Variants in CADPS2 observed in about 807,000 individuals in gnomAD.
CADPS2 encodes calcium dependent secretion activator 2, also known as calcium-dependent secretion activator 2.
A neutral mutation model predicts 172.5 loss-of-function variants in CADPS2; 93 were observed. The ratio of observed to expected loss-of-function variants is 0.54; its 90% CI spans 0.46 to 0.64. The LOEUF (loss-of-function observed/expected upper bound fraction) is 0.64. Ranked by LOEUF, CADPS2 falls within the 30% of genes least tolerant of loss-of-function variation. CADPS2 has a pLI of 0.00. For missense variants in CADPS2, 1,420 were observed against 1,565.9 expected, an observed-to-expected ratio of 0.91 and a Z score of 1.57; for synonymous variants, 546 against 555.2, an observed-to-expected ratio of 0.98 and a Z score of 0.23.
intron 1 of CADPS2, among the ~76,000 whole-genome samples, chr7:122,782,274 A>G (rs1010203077): frequency 1.1e-4 from 17 of 152,182 alleles, no homozygotes; most frequent in Admixed American, 5.9e-4. Flanking sequence ...TCCTCTTGCC[A>G]TGTCTTTGTG....
At chr7:122,868,173 T>C (rs377300078) in intron 1 of CADPS2, among the ~76,000 whole-genome samples, 5 of 152,084 alleles carry the variant, frequency 3.3e-5, no homozygotes, top group African/African-American at 9.7e-5. Flanking sequence ...CTTGAGTGAC[T>C]GGCTCCTAAA....
chr7:122,491,210 C>A (rs2058251965), intron 10 of CADPS2, 102 bp downstream of exon 10: 1 of 622,004 alleles, frequency 1.6e-6, no homozygotes, highest in East Asian at 3.1e-5. Flanking sequence ...AATATGCACC[C>A]TATTCATCGA....
intron 7 of CADPS2, among the ~76,000 whole-genome samples, chr7:122,556,159 T>C (rs1419750328): frequency 1.3e-5 from 2 of 152,100 alleles, no homozygotes; most frequent in Non-Finnish European, 1.5e-5. Context: ...CTAGAATTCA[T>C]TTTGACTGCT....
chr7:122,698,674 AT>A (rs1564096745), intron 2 of CADPS2: 1 of 1,613,866 alleles, frequency 6.2e-7, no homozygotes, highest in South Asian at 1.1e-5. Flanking sequence ...TGCATTTTGG[AT>A]TTTTCCCTCT....
intron 2 of CADPS2, among the ~76,000 whole-genome samples, chr7:122,725,131 T>C (rs957527988): frequency 4.6e-5 from 7 of 151,994 alleles, no homozygotes; most frequent in Non-Finnish European, 8.8e-5. Flanking sequence ...TGTGTTTCTT[T>C]TGGTGATAAT....
At chr7:122,575,500 G>A (rs1317507879) in intron 7 of CADPS2, among the ~76,000 whole-genome samples, 2 of 150,500 alleles carry the variant, frequency 1.3e-5, no homozygotes, top group African/African-American at 2.4e-5. Flanking sequence ...ACAGTGGCAC[G>A]ATCTCGGCTC....
intron 2 of CADPS2, among the ~76,000 whole-genome samples, chr7:122,708,518 G>A (rs1356119205): frequency 3.6e-5 from 3 of 84,048 alleles, no homozygotes; most frequent in Non-Finnish European, 6.7e-5. Flanking sequence ...TATTGTATTC[G>A]AGATATATAT....
At chr7:122,593,403 A>T (rs904950519) in intron 6 of CADPS2, among the ~76,000 whole-genome samples, 2 of 152,034 alleles carry the variant, frequency 1.3e-5, no homozygotes, top group African/African-American at 4.8e-5. Context: ...TAGGGCTACC[A>T]AGTACAGACC....
At chr7:122,835,036 G>A (rs542214470) in intron 1 of CADPS2, among the ~76,000 whole-genome samples, 3 of 152,174 alleles carry the variant, frequency 2.0e-5, no homozygotes, top group Non-Finnish European at 2.9e-5. Flanking sequence ...GCACCCCCCA[G>A]GAGGGACAGA....
intron 1 of CADPS2, among the ~76,000 whole-genome samples, chr7:122,740,953 T>C (rs1442613144): frequency 1.3e-5 from 2 of 152,174 alleles, no homozygotes; most frequent in Admixed American, 6.5e-5. Context: ...TAAAGGTACA[T>C]ATCCTTGGAA....
chr7:122,744,783 G>A (rs1322314075), intron 1 of CADPS2, among the ~76,000 whole-genome samples: 5 of 152,108 alleles, frequency 3.3e-5, no homozygotes, highest in East Asian at 1.9e-4. Context: ...AGTGAATGAC[G>A]CCTACCCACA....
chr7:122,885,421 C>T (rs1470979596), intron 1 of CADPS2, among the ~76,000 whole-genome samples: 2 of 151,900 alleles, frequency 1.3e-5, no homozygotes, highest in African/African-American at 2.4e-5. Flanking sequence ...AGCTGCATGC[C>T]TTCTCGGTGT....
In CADPS2 at chr7:122,374,722, G is replaced by A. The variant is rs185182575; in HGVS notation, c.3387+4646C>T. Among the ~76,000 whole-genome samples the A allele has an allele frequency of 2.0e-3, 303 of 152,150 alleles. 2 individuals are homozygous for A. The highest frequency in any genetic ancestry group is 3.4e-3 in the Middle Eastern group (1 of 294). On this transcript the variant is annotated intron_variant, in intron 25 of 29. Coordinates refer to ENST00000449022, the MANE Select transcript of CADPS2 (RefSeq NM_017954.11). ...AGAACATCATATACTGGGGCCTGTCGGGGGCTGTGGGGATAGGGGAGGGCT... is the reference window on the plus strand; with the variant it reads ...AGAACATCATATACTGGGGCCTGTCAGGGGCTGTGGGGATAGGGGAGGGCT...
chr7:122,818,790 G>T (rs1340878723), intron 1 of CADPS2, among the ~76,000 whole-genome samples: 1 of 152,108 alleles, frequency 6.6e-6, no homozygotes, highest in South Asian at 2.1e-4. Flanking sequence ...CAAGGTTAAT[G>T]CTCCTTTTTC....
At chr7:122,590,949 A>T (rs1466846829) in intron 6 of CADPS2, among the ~76,000 whole-genome samples, 1 of 151,996 alleles carries the variant, frequency 6.6e-6, no homozygotes, top group Admixed American at 6.6e-5. Context: ...TAATTAAATT[A>T]GTTTAAATTG....
At chr7:122,814,733 CT>C (rs1800886962) in intron 1 of CADPS2, among the ~76,000 whole-genome samples, 1 of 152,072 alleles carries the variant, frequency 6.6e-6, no homozygotes, top group Non-Finnish European at 1.5e-5. Flanking sequence ...TTGCTAACCC[CT>C]AATCTAACAC....
intron 2 of CADPS2, among the ~76,000 whole-genome samples, chr7:122,672,471 C>A (rs961459003): frequency 3.1e-4 from 47 of 152,316 alleles, no homozygotes; most frequent in African/African-American, 1.1e-3. Context: ...TAGAGCTCTT[C>A]CTGTATTAAC....
intron 8 of CADPS2, among the ~76,000 whole-genome samples, chr7:122,530,916 T>C (rs918149891): frequency 2.0e-5 from 3 of 152,166 alleles, no homozygotes; most frequent in Non-Finnish European, 4.4e-5. Context: ...CTGTGCTAGA[T>C]GCTGGATTGA....
intron 2 of CADPS2, among the ~76,000 whole-genome samples, chr7:122,723,241 G>A (rs952103176): frequency 7.2e-5 from 11 of 151,992 alleles, no homozygotes; most frequent in South Asian, 4.2e-4. Context: ...GAGTGAACAG[G>A]CAACCTACAG....
Sources: allele counts gnomAD v4.1 joint callset (sites outside exome capture counted in the v4.1 genomes callset), GRCh38; gene constraint gnomAD v4.1.1; transcripts MANE v1.5; gene names NCBI Gene and HGNC (gene_info 2026-07-23, HGNC 2026-07-21).